The following NME8 variants were observed in gnomAD, a reference collection of about 807,000 sequenced individuals.
The protein encoded by NME8 is NME/NM23 family member 8.
A neutral mutation model predicts 82.3 loss-of-function variants in NME8; 72 were observed. That is an observed-to-expected ratio of 0.87 (90% CI 0.72 to 1.06). NME8 has a LOEUF of 1.06. Ranked by LOEUF, NME8 falls within the 50% of genes least tolerant of loss-of-function variation. NME8 has a pLI of 0.00. For synonymous variants in NME8, 267 were observed against 228.5 expected, an observed-to-expected ratio of 1.17 and a Z score of -1.52; for missense variants, 712 against 685.4, an observed-to-expected ratio of 1.04 and a Z score of -0.43.
At chr7:37,892,325 T>A (rs1785141623) in intron 15 of NME8, among the ~76,000 whole-genome samples, 1 of 151,844 alleles carries the variant, frequency 6.6e-6, no homozygotes, top group Non-Finnish European at 1.5e-5. Flanking sequence ...ATATTAGTTC[T>A]GTTCCATTGT....
intron 2 of NME8, 47 bp downstream of exon 2, chr7:37,849,103 G>C (rs566566458): frequency 6.6e-6 from 1 of 152,480 alleles, no homozygotes; most frequent in South Asian, 2.1e-4. Flanking sequence ...ATACAGTCTT[G>C]TTTGTGGCTT....
At chr7:37,853,717 T>C (rs1228198907) in intron 5 of NME8, among the ~76,000 whole-genome samples, 1 of 152,132 alleles carries the variant, frequency 6.6e-6, no homozygotes, top group Non-Finnish European at 1.5e-5. Context: ...CATATTGTTT[T>C]CTGCTGTTAA....
chr7:37,877,334 GAACAAGA>G (rs1354446483), intron 12 of NME8, among the ~76,000 whole-genome samples: 2 of 152,064 alleles, frequency 1.3e-5, no homozygotes, highest in Non-Finnish European at 2.9e-5. Context: ...AGTGTGACTT[GAACAAGA>G]TATTTTACCA....
intron 11 of NME8, among the ~76,000 whole-genome samples, chr7:37,871,957 A>G (rs1022573366): frequency 1.3e-5 from 2 of 151,928 alleles, no homozygotes; most frequent in East Asian, 3.9e-4. Context: ...TCCATAGTCA[A>G]AGGGAAGCTT....
chr7:37,880,048 T>G (rs1784918738), intron 12 of NME8, among the ~76,000 whole-genome samples: 1 of 151,838 alleles, frequency 6.6e-6, no homozygotes, highest in South Asian at 2.1e-4. Context: ...TTAATTGAGT[T>G]GTTCATTTTC....
chr7:37,896,067 C>T (rs538364371), intron 16 of NME8, among the ~76,000 whole-genome samples: 158 of 152,140 alleles, frequency 1.0e-3, no homozygotes, highest in African/African-American at 3.7e-3. Flanking sequence ...GTATAAAATA[C>T]GTATAAGAAA....
intron 11 of NME8, among the ~76,000 whole-genome samples, chr7:37,875,859 CA>C (rs1394978383): frequency 2.0e-5 from 3 of 151,890 alleles, no homozygotes; most frequent in Non-Finnish European, 4.4e-5. Context: ...TACCTGCTAG[CA>C]GACAAGAATA....
chr7:37,871,490 C>T (rs1784766720), intron 11 of NME8, among the ~76,000 whole-genome samples: 1 of 152,198 alleles, frequency 6.6e-6, no homozygotes, highest in Non-Finnish European at 1.5e-5. Context: ...GTTCCATTAG[C>T]TACATTGCTC....
intron 7 of NME8, among the ~76,000 whole-genome samples, chr7:37,862,765 G>T (rs1394490700): frequency 2.0e-5 from 3 of 152,080 alleles, no homozygotes; most frequent in South Asian, 2.1e-4. Context: ...TCATGTGTTT[G>T]CAGTTTTCTT....
chr7:37,888,202 G>T (rs1785072746), intron 14 of NME8, 75 bp from the exon 15 acceptor site: 1 of 1,462,158 alleles, frequency 6.8e-7, no homozygotes, highest in South Asian at 1.1e-5. Flanking sequence ...GATAACTTTT[G>T]AACAACTTAT....
chr7:37,898,789 G>C (rs1209146194), intron 17 of NME8, among the ~76,000 whole-genome samples: 1 of 152,134 alleles, frequency 6.6e-6, no homozygotes, highest in Non-Finnish European at 1.5e-5. Context: ...ATTGTTTGTG[G>C]TGATAATTGC....
At chr7:37,851,931 G>A (rs561484253) in intron 5 of NME8, among the ~76,000 whole-genome samples, 2 of 152,166 alleles carry the variant, frequency 1.3e-5, no homozygotes, top group East Asian at 3.9e-4. Context: ...TACTGACCTT[G>A]TATTTCACTA....
chr7:37,875,715 A>T (rs1437484012), intron 11 of NME8, among the ~76,000 whole-genome samples: 1 of 152,154 alleles, frequency 6.6e-6, no homozygotes, highest in Middle Eastern at 3.2e-3. Flanking sequence ...GCTAAATTTG[A>T]TAAAGACACG....
chr7:37,866,457 C>A (rs1471525871), intron 10 of NME8, among the ~76,000 whole-genome samples: 8 of 152,176 alleles, frequency 5.3e-5, no homozygotes, highest in Non-Finnish European at 1.0e-4. Flanking sequence ...TAACTGTAAA[C>A]TTCTGAGAAA....
At chr7:37,893,643 A>T (rs751421895) in intron 15 of NME8, among the ~76,000 whole-genome samples, 3 of 151,954 alleles carry the variant, frequency 2.0e-5, no homozygotes, top group Non-Finnish European at 4.4e-5. Context: ...GTCATCCCTG[A>T]CCTCTCCAGA....
chr7:37,859,488 C>T (rs1562829839), intron 6 of NME8, among the ~76,000 whole-genome samples: 1 of 152,224 alleles, frequency 6.6e-6, no homozygotes, highest in Non-Finnish European at 1.5e-5. Context: ...TTTGGACACT[C>T]TCTCCACAGC....
intron 7 of NME8, 151 bp from the exon 8 acceptor site, chr7:37,863,245 C>G (rs1373390525): frequency 1.6e-6 from 1 of 617,440 alleles, no homozygotes; most frequent in Non-Finnish European, 2.9e-6. Flanking sequence ...AAGCTGGAGA[C>G]AGTAATGTTA....
intron 15 of NME8, among the ~76,000 whole-genome samples, chr7:37,889,935 C>A (rs934883998): frequency 1.3e-5 from 2 of 149,832 alleles, no homozygotes; most frequent in African/African-American, 4.9e-5. Flanking sequence ...ATATTGTTGG[C>A]TATATTTCCT....
At chr7:37,894,090 G>C (rs916983981) in intron 15 of NME8, among the ~76,000 whole-genome samples, 1 of 152,158 alleles carries the variant, frequency 6.6e-6, no homozygotes. Context: ...TCTTCAGGGA[G>C]AAGAGTTCAG....
Sources: allele counts gnomAD v4.1 joint callset (sites outside exome capture counted in the v4.1 genomes callset), GRCh38; gene constraint gnomAD v4.1.1; transcripts MANE v1.5; gene names NCBI Gene and HGNC (gene_info 2026-07-23, HGNC 2026-07-21).